ST7: variants seen among roughly 807,000 people sequenced by gnomAD.
ST7 encodes the protein suppression of tumorigenicity 7, also known as suppressor of tumorigenicity 7 protein.
A neutral mutation model predicts 78.7 loss-of-function variants in ST7; 28 were observed. The observed-to-expected ratio is 0.36, with a 90% CI of 0.26 to 0.49. The LOEUF (loss-of-function observed/expected upper bound fraction) is 0.49, where lower values mean the gene tolerates loss of function less well. ST7 is among the 20% of genes least tolerant of loss of function. ST7 has a pLI of 0.99. For missense variants in ST7, 418 were observed against 696.0 expected, an observed-to-expected ratio of 0.60 and a Z score of 4.49; for synonymous variants, 247 against 249.6, an observed-to-expected ratio of 0.99 and a Z score of 0.10.
intron 12 of ST7, among the ~76,000 whole-genome samples, chr7:117,194,125 C>G (rs1258076504): frequency 2.6e-5 from 4 of 152,156 alleles, no homozygotes; most frequent in Non-Finnish European, 1.5e-5. Context: ...ATGCGAAACA[C>G]TAGAATTTCT....
intron 1 of ST7, among the ~76,000 whole-genome samples, chr7:117,046,795 C>A (rs1169454793): frequency 1.3e-5 from 2 of 152,138 alleles, no homozygotes; most frequent in East Asian, 3.9e-4. Flanking sequence ...CTCAGAAATT[C>A]TCTGTAGATG....
intron 3 of ST7, among the ~76,000 whole-genome samples, chr7:117,121,975 A>G (rs536111544): frequency 6.6e-6 from 1 of 152,184 alleles, no homozygotes; most frequent in South Asian, 2.1e-4. Context: ...GCTAGAAATA[A>G]AGCCGTGCCT....
At chr7:117,136,697 C>G (rs536431743) in intron 8 of ST7, 1 of 168,416 alleles carries the variant, frequency 5.9e-6, no homozygotes, top group African/African-American at 2.4e-5. Context: ...CAGCATTTAT[C>G]TCTTACATAA....
chr7:117,091,524 A>G (rs944333763), intron 1 of ST7, among the ~76,000 whole-genome samples: 19 of 152,218 alleles, frequency 1.2e-4, no homozygotes, highest in African/African-American at 4.6e-4. Flanking sequence ...ACATGCCAGC[A>G]TGTGAAATAG....
intron 2 of ST7, among the ~76,000 whole-genome samples, chr7:117,115,462 C>T (rs1477030413): frequency 1.3e-5 from 2 of 150,766 alleles, no homozygotes; most frequent in African/African-American, 2.4e-5. Flanking sequence ...TCAAGCAATT[C>T]TGCTGCCTCA....
At chr7:117,066,169 T>G (rs539912963) in intron 1 of ST7, among the ~76,000 whole-genome samples, 1 of 152,358 alleles carries the variant, frequency 6.6e-6, no homozygotes, top group South Asian at 2.1e-4. Flanking sequence ...AAATAACATT[T>G]AGCAAGCCCT....
chr7:117,072,320 A>G (rs1246723364), intron 1 of ST7: 1 of 152,190 alleles, frequency 6.6e-6, no homozygotes, highest in Non-Finnish European at 1.5e-5. Context: ...GTATCATTCT[A>G]TAGTATCACA....
intron 1 of ST7, chr7:116,959,046 A>G (rs1735088526): frequency 5.1e-6 from 2 of 395,984 alleles, no homozygotes; most frequent in African/African-American, 2.1e-5. Context: ...GTCTGATAGC[A>G]TTTTACCCAC....
intron 10 of ST7, among the ~76,000 whole-genome samples, chr7:117,179,079 A>G (rs1808550878): frequency 6.6e-6 from 1 of 152,194 alleles, no homozygotes; most frequent in African/African-American, 2.4e-5. Context: ...TCAAATAGAC[A>G]TCGAGATTAG....
At chr7:117,183,190 C>G (rs957886794) in intron 10 of ST7, among the ~76,000 whole-genome samples, 1 of 151,856 alleles carries the variant, frequency 6.6e-6, no homozygotes, top group African/African-American at 2.4e-5. Context: ...TTTTGGGAGG[C>G]CAAGGTGGGC....
intron 1 of ST7, among the ~76,000 whole-genome samples, chr7:117,027,421 CAGAGTG>C (rs1048105703): frequency 3.3e-5 from 1 of 30,490 alleles, no homozygotes; most frequent in African/African-American, 1.4e-4. Context: ...GCCTGGGCAA[CAGAGTG>C]AGACTCCGTC....
chr7:117,210,046 T>G (rs935807180), intron 13 of ST7, 109 bp downstream of exon 13: 6 of 1,288,274 alleles, frequency 4.7e-6, no homozygotes, highest in Non-Finnish European at 5.2e-6. Flanking sequence ...ACTGCTCTTG[T>G]GTTCTGTGAT....
At chr7:116,969,658 C>G (rs1007153214) in intron 1 of ST7, among the ~76,000 whole-genome samples, 2 of 152,278 alleles carry the variant, frequency 1.3e-5, no homozygotes, top group Middle Eastern at 3.4e-3. Flanking sequence ...TGAGGACCAT[C>G]TAAATGAGAA....
At chr7:117,065,167 A>T (rs1361761697) in intron 1 of ST7, among the ~76,000 whole-genome samples, 2 of 151,666 alleles carry the variant, frequency 1.3e-5, no homozygotes, top group Non-Finnish European at 2.9e-5. Flanking sequence ...GCAAGTTATG[A>T]ATAAAACTAG....
chr7:117,099,951 T>A, intron 2 of ST7, 107 bp downstream of exon 2: 1 of 776,598 alleles, frequency 1.3e-6, no homozygotes. Context: ...CAGGTTACAG[T>A]GATTATCTTG....
intron 3 of ST7, among the ~76,000 whole-genome samples, chr7:117,125,851 A>G (rs1165156708): frequency 3.9e-5 from 6 of 152,094 alleles, no homozygotes; most frequent in Non-Finnish European, 8.8e-5. Context: ...TGGATTCACA[A>G]TATTTCCAAA....
chr7:117,197,450 G>A (rs1315590340), intron 12 of ST7, among the ~76,000 whole-genome samples: 1 of 152,118 alleles, frequency 6.6e-6, no homozygotes, highest in Non-Finnish European at 1.5e-5. Context: ...TTAAAGAATG[G>A]GAATTACTAA....
intron 12 of ST7, among the ~76,000 whole-genome samples, chr7:117,194,569 A>G (rs1339696553): frequency 6.6e-6 from 1 of 152,202 alleles, no homozygotes; most frequent in Non-Finnish European, 1.5e-5. Flanking sequence ...ACAACTGAGA[A>G]CAAAAGAAGA....
intron 13 of ST7, among the ~76,000 whole-genome samples, chr7:117,216,172 C>T (rs1792678487): frequency 6.6e-6 from 1 of 152,096 alleles, no homozygotes; most frequent in South Asian, 2.1e-4. Flanking sequence ...TAGAAGAAGA[C>T]AGCATTGTGC....
Sources: allele counts gnomAD v4.1 joint callset (sites outside exome capture counted in the v4.1 genomes callset), GRCh38; gene constraint gnomAD v4.1.1; transcripts MANE v1.5; gene names NCBI Gene and HGNC (gene_info 2026-07-23, HGNC 2026-07-21).